LHCGR: variants seen among roughly 807,000 people sequenced by gnomAD.
LHCGR encodes the protein luteinizing hormone/choriogonadotropin receptor.
LHCGR carries 55 observed loss-of-function variants against 60.7 expected under a neutral mutation model. The ratio of observed to expected loss-of-function variants is 0.91; its 90% CI spans 0.73 to 1.13. The LOEUF is 1.13. Ranked by LOEUF, LHCGR falls within the 50% of genes most tolerant of loss-of-function variation. The pLI is 0.00. For missense variants in LHCGR, 862 were observed against 836.0 expected, an observed-to-expected ratio of 1.03 and a Z score of -0.38; for synonymous variants, 337 against 316.5, an observed-to-expected ratio of 1.06 and a Z score of -0.69.
At chr2:48,739,647 C>A (rs980578902) in intron 1 of LHCGR, among the ~76,000 whole-genome samples, 2 of 151,148 alleles carry the variant, frequency 1.3e-5, no homozygotes, top group Admixed American at 6.6e-5. Context: ...GAACATCACA[C>A]ACTGGGGCCT....
chr2:48,726,922 G>A (rs529683122), intron 3 of LHCGR, among the ~76,000 whole-genome samples: 58 of 152,304 alleles, frequency 3.8e-4, no homozygotes, highest in Non-Finnish European at 6.8e-4. Context: ...AGCAGAACTT[G>A]GATGTGACCC....
chr2:48,715,987 T>G (rs988023285), intron 6 of LHCGR, among the ~76,000 whole-genome samples: 7 of 152,154 alleles, frequency 4.6e-5, no homozygotes, highest in Admixed American at 3.9e-4. Context: ...AAGGGGAGGC[T>G]TCCATGGTTT....
intron 6 of LHCGR, 138 bp downstream of exon 6, chr2:48,723,318 C>T (rs1668581755): frequency 1.4e-6 from 1 of 729,138 alleles, no homozygotes; most frequent in Non-Finnish European, 2.5e-6. Context: ...ACTCCCTTCA[C>T]CCTTAGCATT....
chr2:48,714,935 T>G (rs149929451), intron 6 of LHCGR, among the ~76,000 whole-genome samples: 1,774 of 152,286 alleles, frequency 0.012, 27 homozygotes, highest in African/African-American at 0.032. Context: ...AGCCTACAAC[T>G]GGCATAAATG....
intron 8 of LHCGR, among the ~76,000 whole-genome samples, chr2:48,708,115 G>A (rs549312886): frequency 2.1e-4 from 32 of 152,292 alleles, no homozygotes; most frequent in Middle Eastern, 6.8e-3. Flanking sequence ...CATCGATCTC[G>A]CTGAGAGCTG....
chr2:48,694,678 C>T (rs1466863907), intron 9 of LHCGR, among the ~76,000 whole-genome samples: 1 of 152,086 alleles, frequency 6.6e-6, no homozygotes, highest in East Asian at 1.9e-4. Context: ...AATAGTCATT[C>T]TGTGTTCATG....
intron 3 of LHCGR, among the ~76,000 whole-genome samples, chr2:48,728,003 CCA>C (rs1390538009): frequency 6.6e-6 from 1 of 152,292 alleles, no homozygotes; most frequent in East Asian, 1.9e-4. Flanking sequence ...CTTGTCCAAC[CCA>C]CAGTCTGCAT....
chr2:48,749,866 A>C (rs893197953), intron 1 of LHCGR, among the ~76,000 whole-genome samples: 2 of 152,146 alleles, frequency 1.3e-5, no homozygotes, highest in African/African-American at 2.4e-5. Context: ...CTTGTTTTTT[A>C]GTGTCTTGCT....
intron 1 of LHCGR, among the ~76,000 whole-genome samples, chr2:48,745,471 A>G (rs1326047502): frequency 6.6e-6 from 1 of 152,238 alleles, no homozygotes; most frequent in African/African-American, 2.4e-5. Flanking sequence ...GATAGACTGG[A>G]TTAAGAAAAT....
Position 48,755,604 on chromosome 2 carries a change from C to CGTGGCAGCGGCGGCTGCAGCA in LHCGR, c.47_67dup (p.Leu16_Pro22dup). 2 of 1,533,404 alleles carry CGTGGCAGCGGCGGCTGCAGCA rather than the reference C, an allele frequency of 1.3e-6. No individual in the cohort carries two copies. Among genetic ancestry groups the CGTGGCAGCGGCGGCTGCAGCA allele is most frequent in the Non-Finnish European group, 1.7e-6 (2 of 1,143,102 alleles). 95.0% of individuals were successfully genotyped at this position (1,533,404 alleles called of 1,614,324 possible). On this transcript the variant is annotated inframe_insertion, in exon 1 of 11. Transcript: ENST00000294954. ...AGGGCAGAGCGCCTCGCGCAGCGCT[C>CGTGGCAGCGGCGGCTGCAGCA]GTGGCAGCGGCGGCTGCAGCAGCAG...
At chr2:48,742,802 C>T (rs1449078491) in intron 1 of LHCGR, among the ~76,000 whole-genome samples, 2 of 151,904 alleles carry the variant, frequency 1.3e-5, no homozygotes, top group East Asian at 3.9e-4. Context: ...CAAGAGCAAA[C>T]ACATTCAAAA....
At chr2:48,723,827 G>C (rs1480942558) in intron 4 of LHCGR, 131 bp from the exon 5 acceptor site, 3 of 731,372 alleles carry the variant, frequency 4.1e-6, no homozygotes, top group Non-Finnish European at 7.3e-6. Context: ...TAAAAATATT[G>C]AGTTTGGTGT....
In LHCGR at chr2:48,688,347, T is replaced by A. The variant is rs752463921; in HGVS notation, c.1450A>T (p.Ile484Phe). 5 of 1,614,038 alleles carry A rather than the reference T, an allele frequency of 3.1e-6. No homozygotes were observed. The African/African-American group carries it at 6.7e-5, about 22-fold the overall frequency. The stretch of plus-strand genomic sequence containing the variant: ...AGCCATCCTCCAAGCATAATCAGAA[T>A]GGCATGTCTTAATCGCAGCTTTTGG... The part of the protein sequence containing the change: ...LDQKLRLRHA[I>F]LIMLGGWLFS... The change falls in exon 11 of 11, where the codon ATT becomes TTT. Residue 484 changes from isoleucine to phenylalanine, a missense_variant. By Grantham distance (21) the Ile-to-Phe change is conservative. Transcript: ENST00000294954. This position sits in a 1 kb window ranked among gnomAD's most constrained non-coding sequence, Gnocchi z 5.2.
intron 9 of LHCGR, among the ~76,000 whole-genome samples, chr2:48,696,539 ATAGCTCAATGATT>A (rs563932341): frequency 1.3e-5 from 2 of 152,354 alleles, no homozygotes; most frequent in African/African-American, 4.8e-5. Flanking sequence ...ACATGAATGT[ATAGCTCAATGATT>A]TCTCACAGAA....
intron 1 of LHCGR, among the ~76,000 whole-genome samples, chr2:48,754,217 C>T (rs952572122): frequency 1.3e-5 from 2 of 152,210 alleles, no homozygotes; most frequent in African/African-American, 2.4e-5. Context: ...TATCTCTCAA[C>T]CACAATTATT....
rs776243796 is a variant in LHCGR, at chr2:48,725,760, G to T, written c.309-10C>A. 6.9e-6 allele frequency: 11 copies of T among 1,600,860 alleles called. No individual in the cohort carries two copies. The highest frequency in any genetic ancestry group is 9.4e-6 in the Non-Finnish European group (11 of 1,168,558). On this transcript the variant is annotated splice_polypyrimidine_tract_variant and intron_variant, in intron 3 of 10. Coordinates refer to ENST00000294954, the MANE Select transcript of LHCGR (RefSeq NM_000233.4). Reference sequence around the variant, plus strand: ...GGTGTTCTGGATCAGTCTGTAAAGAGAGAGGGAAAAAAAAAGCTGCTGTTT... The same window carrying T: ...GGTGTTCTGGATCAGTCTGTAAAGATAGAGGGAAAAAAAAAGCTGCTGTTT...
intron 4 of LHCGR, 79 bp downstream of exon 4, chr2:48,725,597 T>C (rs1399830828): frequency 9.9e-7 from 1 of 1,008,586 alleles, no homozygotes; most frequent in African/African-American, 1.6e-5. Context: ...ACAAAATCTT[T>C]CCAACCTTTT....
In LHCGR at chr2:48,687,185, G is replaced by A. The variant is rs564632841; in HGVS notation, c.*512C>T. 50 of 158,618 alleles carry A rather than the reference G, an allele frequency of 3.2e-4. No homozygotes were observed. The highest frequency in any genetic ancestry group is 3.4e-3 in the Middle Eastern group (1 of 298). The allele number at this position is 158,618 out of a possible 1,614,324, so 9.8% of individuals were successfully genotyped here. On this transcript the variant is annotated 3_prime_UTR_variant, in exon 11 of 11. Transcript: ENST00000294954. The stretch of plus-strand genomic sequence containing the variant: ...CACGTAGCCATTGAGAACTTGAAAC[G>A]TGGCTAGTGCAACTGAGAAACTACA...
intron 1 of LHCGR, among the ~76,000 whole-genome samples, chr2:48,745,597 C>CA (rs1433031515): frequency 6.7e-6 from 1 of 148,650 alleles, no homozygotes; most frequent in Non-Finnish European, 1.5e-5. Flanking sequence ...ATCGCAAGAA[C>CA]AAAAAACCAA....
Sources: gnomAD v4.1 joint callset for allele counts (sites outside exome capture counted in the v4.1 genomes callset) on GRCh38, gnomAD v4.1.1 for gene constraint, Gnocchi (gnomAD v3.1) non-coding constraint, MANE v1.5 for transcripts, NCBI Gene and HGNC (gene_info 2026-07-23, HGNC 2026-07-21) for gene names.